The following ATP6V1H variants were observed in gnomAD, a reference collection of about 807,000 sequenced individuals.
ATP6V1H encodes V-type proton ATPase subunit H.
Under a neutral mutation model 71.7 loss-of-function variants are expected in ATP6V1H, and 39 were observed. That is an observed-to-expected ratio of 0.54 (90% confidence interval 0.42 to 0.71). The LOEUF is 0.71. Among genes scored for constraint, ATP6V1H ranks in the 30% least tolerant of loss-of-function variants. The pLI is 0.00. For missense variants in ATP6V1H, 509 were observed against 594.9 expected (o/e 0.86, Z 1.50); for synonymous variants, 192 against 199.3 (o/e 0.96, Z 0.31).
intron 10 of ATP6V1H, 137 bp from the exon 11 acceptor site, chr8:53,769,880 A>C (rs2130312126): frequency 1.4e-6 from 1 of 709,286 alleles, no homozygotes; most frequent in Non-Finnish European, 2.2e-6. Context: ...CTACCACCAA[A>C]CGAACTTTAA....
At chr8:53,756,427 T>C (rs905111017) in intron 12 of ATP6V1H, 128 bp downstream of exon 12, 4 of 668,224 alleles carry the variant, frequency 6.0e-6, no homozygotes, top group Non-Finnish European at 7.5e-6. Flanking sequence ...CTCACTATTG[T>C]GGCAATCTTG....
intron 11 of ATP6V1H, among the ~76,000 whole-genome samples, chr8:53,766,547 G>C (rs983619072): frequency 6.6e-6 from 1 of 152,186 alleles, no homozygotes; most frequent in Non-Finnish European, 1.5e-5. Flanking sequence ...TGGTGAGCAG[G>C]GCAGAACAGA....
At chr8:53,735,891 T>C (rs1807185659) in intron 13 of ATP6V1H, among the ~76,000 whole-genome samples, 1 of 152,158 alleles carries the variant, frequency 6.6e-6, no homozygotes, top group Admixed American at 6.5e-5. Flanking sequence ...CACAGTCGGC[T>C]AACACCGGCA....
intron 6 of ATP6V1H, among the ~76,000 whole-genome samples, chr8:53,811,673 T>C (rs1218383979): frequency 1.3e-5 from 2 of 152,194 alleles, no homozygotes; most frequent in Non-Finnish European, 2.9e-5. Flanking sequence ...TAATGAATTA[T>C]AATGACAATC....
intron 2 of ATP6V1H, 98 bp downstream of exon 2, chr8:53,841,480 A>C: frequency 7.4e-7 from 1 of 1,344,974 alleles, no homozygotes; most frequent in Non-Finnish European, 1.0e-6. Context: ...CACATTTTTC[A>C]GTATTTTCCC....
rs566415210 is a variant in ATP6V1H at position 53,816,135 on chromosome 8, T to TTC, written c.420+1280_420+1281dup. Among the ~76,000 whole-genome samples the TTC allele has an allele frequency of 2.3e-3, 344 of 152,348 alleles. 2 individuals are homozygous for TTC. The highest frequency in any genetic ancestry group is 7.9e-3 in the African/African-American group (327 of 41,574). On this transcript the variant is annotated intron_variant, in intron 5 of 13. Coordinates refer to ENST00000359530, the MANE Select transcript of ATP6V1H (RefSeq NM_015941.4). ...GTTTATTTCATCAGTCCTCCTTAATTTCTTTTTATAGATATTTCATAATGT... is the reference window on the plus strand; with the variant it reads ...GTTTATTTCATCAGTCCTCCTTAATTTCTCTTTTTATAGATATTTCATAATGT...
At chr8:53,790,562 C>T (rs1390012285) in intron 9 of ATP6V1H, among the ~76,000 whole-genome samples, 1 of 152,174 alleles carries the variant, frequency 6.6e-6, no homozygotes. Flanking sequence ...ATATTACTCT[C>T]ACAGGACACA....
intron 9 of ATP6V1H, among the ~76,000 whole-genome samples, chr8:53,791,817 G>A (rs745390141): frequency 1.3e-5 from 2 of 152,014 alleles, no homozygotes; most frequent in Non-Finnish European, 2.9e-5. Flanking sequence ...TATTCACGTC[G>A]ACTGTCTTCA....
intron 10 of ATP6V1H, among the ~76,000 whole-genome samples, chr8:53,770,664 C>A (rs183813297): frequency 3.9e-5 from 6 of 152,262 alleles, no homozygotes; most frequent in African/African-American, 1.4e-4. Flanking sequence ...CTTTTAGCTG[C>A]ACCCATCACC....
chr8:53,819,547 C>CATATATATATATAT (rs34645455), intron 4 of ATP6V1H, among the ~76,000 whole-genome samples: 1 of 35,136 alleles, frequency 2.8e-5, no homozygotes, highest in Non-Finnish European at 4.7e-5. Flanking sequence ...AAAAAAAAAG[C>CATATATATATATAT]ATATATATAT....
chr8:53,788,127 A>C (rs1357213583), intron 9 of ATP6V1H, among the ~76,000 whole-genome samples: 1 of 152,226 alleles, frequency 6.6e-6, no homozygotes, highest in Non-Finnish European at 1.5e-5. Flanking sequence ...GCTCAATTTT[A>C]GTTCCACTGT....
chr8:53,814,669 C>A lies in ATP6V1H; in HGVS notation c.518G>T (p.Ser173Ile). The part of the protein sequence containing the change: ...YYFNWIKTQL[S>I]SQKLRGSGVA... The stretch of plus-strand genomic sequence containing the variant: ...TAAAAAATTTTCTTTTACCTGTGAA[C>A]TCAGCTGAGTTTTTATCCAATTGAA... Residue 173 changes from serine to isoleucine, a missense_variant, in exon 6 of 14, where the codon AGT becomes ATT. This residue lies in a region of ATP6V1H where 297 missense variants were observed against 303.3 expected (regional missense o/e 0.98). Coordinates refer to ENST00000359530, the MANE Select transcript of ATP6V1H (RefSeq NM_015941.4). 6.2e-7 allele frequency: 1 copy of A among 1,601,276 alleles called. No individual in the cohort carries two copies. Among genetic ancestry groups the A allele is most frequent in the South Asian group, 1.1e-5 (1 of 89,400 alleles).
At chr8:53,837,916 G>T (rs1811211472) in intron 2 of ATP6V1H, among the ~76,000 whole-genome samples, 1 of 152,068 alleles carries the variant, frequency 6.6e-6, no homozygotes, top group African/African-American at 2.4e-5. Context: ...TGATGGGCTG[G>T]ACATGGACTG....
In ATP6V1H at chr8:53,716,449, CA is replaced by C. The variant is rs1806424708; in HGVS notation, c.1392-426del. Among the ~76,000 whole-genome samples the C allele has an allele frequency of 2.6e-5, 4 of 152,200 alleles. No individual in the cohort carries two copies. The South Asian group carries it at 8.3e-4, about 32-fold the overall frequency. ...TCTGAATGACCTCATAAATGAAAAA[CA>C]AATGTCCTGCTATTAGAGAATATGT... On this transcript the variant is annotated intron_variant, in intron 13 of 13. Transcript: ENST00000359530.
chr8:53,731,032 A>G (rs1806996653), intron 13 of ATP6V1H, among the ~76,000 whole-genome samples: 1 of 152,216 alleles, frequency 6.6e-6, no homozygotes, highest in African/African-American at 2.4e-5. Flanking sequence ...TTAAGCCTCC[A>G]CGCGACTTCA....
At chr8:53,809,649 CAG>C (rs1224745442) in intron 7 of ATP6V1H, among the ~76,000 whole-genome samples, 1 of 152,184 alleles carries the variant, frequency 6.6e-6, no homozygotes, top group African/African-American at 2.4e-5. Context: ...GTCATGTCAG[CAG>C]AGTTTGCATT....
At chr8:53,724,182 C>T (rs979694268) in intron 13 of ATP6V1H, among the ~76,000 whole-genome samples, 15 of 152,162 alleles carry the variant, frequency 9.9e-5, no homozygotes, top group African/African-American at 3.6e-4. Flanking sequence ...TTTTCTCAAA[C>T]TCTGAAAGGA....
At chr8:53,826,429 T>A (rs1326501890) in intron 4 of ATP6V1H, among the ~76,000 whole-genome samples, 1 of 152,200 alleles carries the variant, frequency 6.6e-6, no homozygotes, top group Non-Finnish European at 1.5e-5. Context: ...CTGAGTGAAC[T>A]ATGGTACATC....
intron 13 of ATP6V1H, among the ~76,000 whole-genome samples, chr8:53,734,314 C>T (rs1697756759): frequency 6.6e-6 from 1 of 152,174 alleles, no homozygotes; most frequent in Non-Finnish European, 1.5e-5. Flanking sequence ...CTGGGACCAG[C>T]CTTAGGCATC....
Sources: allele counts gnomAD v4.1 joint callset (sites outside exome capture counted in the v4.1 genomes callset), GRCh38; gene constraint gnomAD v4.1.1; regional missense constraint gnomAD v4.1.1; transcripts MANE v1.5; gene names NCBI Gene and HGNC (gene_info 2026-07-23, HGNC 2026-07-21).